The following TECTA variants were observed in gnomAD, a reference collection of about 807,000 sequenced individuals.
TECTA encodes the protein alpha-tectorin.
In TECTA, 128 loss-of-function variants were observed where a neutral mutation model predicts 216.8. The observed-to-expected ratio is 0.59, with a 90% CI of 0.51 to 0.68. The LOEUF is 0.68. Ranked by LOEUF, TECTA falls within the 30% of genes least tolerant of loss-of-function variation. TECTA has a pLI of 0.00. For missense variants in TECTA, 2,551 were observed against 2,786.2 expected (o/e 0.92, Z 1.90); for synonymous variants, 1,089 against 1,117.1 (o/e 0.97, Z 0.50).
At position 121,143,279 on chromosome 11, in the gene TECTA, GC is replaced by G. The variant is rs1165751224; in HGVS notation, c.3544-2272del. 2.0e-5 allele frequency among the ~76,000 whole-genome samples: 3 copies of G among 152,218 alleles called. No homozygotes were observed. The East Asian group carries it at 5.8e-4, about 29-fold the overall frequency. ...CCACCACTCCCAAGCCACACTCTATGCCCCAGCAGCACTAAATTGCTGTAAT... is the reference window on the plus strand; with the variant it reads ...CCACCACTCCCAAGCCACACTCTATGCCCAGCAGCACTAAATTGCTGTAAT... On this transcript the variant is annotated intron_variant, in intron 11 of 23. Transcript: ENST00000392793.
intron 7 of TECTA, among the ~76,000 whole-genome samples, chr11:121,122,104 G>A (rs891530394): frequency 6.6e-6 from 1 of 152,100 alleles, no homozygotes; most frequent in African/African-American, 2.4e-5. Context: ...TATTTCTCAA[G>A]CTTATTTTCT....
intron 12 of TECTA, among the ~76,000 whole-genome samples, chr11:121,150,758 G>C (rs1946882949): frequency 6.8e-6 from 1 of 147,838 alleles, no homozygotes; most frequent in Non-Finnish European, 1.5e-5. Context: ...CAATTCTCCT[G>C]CCTCAGCCTC....
At chr11:121,130,954 C>T (rs1227755821) in intron 10 of TECTA, among the ~76,000 whole-genome samples, 2 of 148,066 alleles carry the variant, frequency 1.4e-5, no homozygotes. Context: ...GTGGCTCACG[C>T]CTGGAATCCC....
In TECTA at chr11:121,190,929, C is replaced by A. The variant is rs2134218844; in HGVS notation, c.*123C>A. On this transcript the variant is annotated 3_prime_UTR_variant, in exon 24 of 24. Coordinates refer to ENST00000392793, the MANE Select transcript of TECTA (RefSeq NM_005422.4). ...TGTCCAGCATCTCAAAATGATGCCACCTGCCTCCAATGGTCCAAGGTCCAG... is the reference window on the plus strand; with the variant it reads ...TGTCCAGCATCTCAAAATGATGCCAACTGCCTCCAATGGTCCAAGGTCCAG... The A allele has an allele frequency of 1.3e-6, 1 of 758,892 alleles. No individual in the cohort carries two copies. The highest frequency in any genetic ancestry group is 1.7e-5 in the African/African-American group (1 of 57,806). The allele number at this position is 758,892 out of a possible 1,614,324, so 47.0% of individuals were successfully genotyped here.
chr11:121,142,029 C>T (rs1946789524), intron 11 of TECTA, among the ~76,000 whole-genome samples: 1 of 152,094 alleles, frequency 6.6e-6, no homozygotes, highest in South Asian at 2.1e-4. Flanking sequence ...GAGGATTACA[C>T]TTGCCAGGCC....
rs1443027892 is a variant in TECTA, at chr11:121,118,732, T to C, written c.1203+14T>C. Reference sequence around the variant, plus strand: ...GGAAGAGTCAAGGTGAGCCCCTTTCTATCCTTCACGGGGAAATGGAGAAGC... The same window carrying C: ...GGAAGAGTCAAGGTGAGCCCCTTTCCATCCTTCACGGGGAAATGGAGAAGC... On this transcript the variant is annotated intron_variant, in intron 7 of 23. Coordinates refer to ENST00000392793, the MANE Select transcript of TECTA (RefSeq NM_005422.4). 1 of 1,613,042 alleles carries C rather than the reference T, an allele frequency of 6.2e-7. No homozygotes were observed.
intron 11 of TECTA, among the ~76,000 whole-genome samples, chr11:121,144,864 C>T (rs967643786): frequency 1.3e-5 from 2 of 152,010 alleles, no homozygotes; most frequent in African/African-American, 4.8e-5. Flanking sequence ...TACACCCAGC[C>T]GTAACATAAG....
At position 121,162,223 on chromosome 11, in the gene TECTA, G is replaced by T. The variant is rs369100736; in HGVS notation, c.5125G>T (p.Asp1709Tyr). Residue 1709 changes from aspartate (D) to tyrosine (Y), a missense_variant, in exon 16 of 24, where the codon GAT becomes TAT. By Grantham distance (160) the Asp-to-Tyr change is radical (BLOSUM62 -3). This residue lies in a region of TECTA where 2,375 missense variants were observed against 2,563.9 expected (regional missense o/e 0.93). Transcript: ENST00000392793. ...GFFQPCYGLL[D>Y]PLPFYESCYL... is the part of the protein sequence containing the mutation. ...CTTCCAGCCCTGCTATGGGCTTCTC[G>T]ATCCCCTCCCATTCTACGAGTCCTG... The T allele has an allele frequency of 1.9e-6, 3 of 1,614,026 alleles. No homozygotes were observed. Among genetic ancestry groups the T allele is most frequent in the African/African-American group, 2.7e-5 (2 of 74,926 alleles).
chr11:121,128,665 C>A (rs1419355810), intron 9 of TECTA, among the ~76,000 whole-genome samples: 2 of 152,212 alleles, frequency 1.3e-5, no homozygotes, highest in East Asian at 3.8e-4. Flanking sequence ...TTATGATCCT[C>A]ATTTTACAGA....
intron 12 of TECTA, among the ~76,000 whole-genome samples, chr11:121,148,663 G>A (rs1253854108): frequency 6.6e-6 from 1 of 152,218 alleles, no homozygotes; most frequent in Admixed American, 6.5e-5. Flanking sequence ...TGCTTGATAG[G>A]AGAAATGGTG....
At chr11:121,129,158 A>G (rs184229931) in intron 9 of TECTA, among the ~76,000 whole-genome samples, 66 of 152,346 alleles carry the variant, frequency 4.3e-4, no homozygotes, top group African/African-American at 1.2e-3. Flanking sequence ...GCAGAGATTT[A>G]TTTATTAATA....
chr11:121,147,878 C>T (rs1946854465), intron 12 of TECTA, among the ~76,000 whole-genome samples: 1 of 152,122 alleles, frequency 6.6e-6, no homozygotes, highest in South Asian at 2.1e-4. Flanking sequence ...ACACAGGGGG[C>T]TAATGCCAGG....
chr11:121,185,078 C>G (rs898632505), intron 20 of TECTA, among the ~76,000 whole-genome samples: 8 of 152,160 alleles, frequency 5.3e-5, no homozygotes, highest in African/African-American at 1.7e-4. Flanking sequence ...AGACTTGACC[C>G]AGAGAGGGAG....
chr11:121,112,037 A>T, intron 4 of TECTA, among the ~76,000 whole-genome samples: 1 of 152,218 alleles, frequency 6.6e-6, no homozygotes, highest in East Asian at 1.9e-4. Context: ...CCTCTGCATC[A>T]GACAGAGTGT....
intron 20 of TECTA, among the ~76,000 whole-genome samples, chr11:121,174,410 AAT>A (rs1267109901): frequency 6.6e-6 from 1 of 152,006 alleles, no homozygotes; most frequent in Non-Finnish European, 1.5e-5. Flanking sequence ...AGGGTTGTTG[AAT>A]TTTGTCAAAG....
chr11:121,131,300 T>G (rs536310973), intron 10 of TECTA, among the ~76,000 whole-genome samples: 1 of 152,304 alleles, frequency 6.6e-6, no homozygotes, highest in Non-Finnish European at 1.5e-5. Flanking sequence ...TTTTTTAATT[T>G]GAAATAATTT....
At position 121,127,848 on chromosome 11, in the gene TECTA, C is replaced by T. The variant is rs1248649998; in HGVS notation, c.1871C>T (p.Ala624Val). The T allele has an allele frequency of 3.1e-6, 5 of 1,613,990 alleles. No individual in the cohort carries two copies. In the Admixed American group the frequency reaches 6.7e-5, roughly 22 times the overall value. The stretch of plus-strand genomic sequence containing the variant: ...GACCTGACGGCCTCGCGGAACTGCG[C>T]CACGCCGTGCACAGAGGGCTGCGAG... The part of the protein sequence containing the change: ...CSDLTASRNC[A>V]TPCTEGCECN... The change falls in exon 9 of 24, where the codon GCC becomes GTC. Residue 624 changes from alanine to valine, a missense_variant. By Grantham distance (64) the Ala-to-Val change is moderately conservative (BLOSUM62 0). Around this residue, in one of 3 missense-constraint regions of TECTA, gnomAD observed 2,375 missense variants for 2,563.9 expected, o/e 0.93. Coordinates refer to ENST00000392793, the MANE Select transcript of TECTA (RefSeq NM_005422.4). The surrounding 1 kb of genome is among the most constrained non-coding windows in gnomAD (Gnocchi z 5.0).
At chr11:121,181,774 G>A (rs2134209736) in intron 20 of TECTA, among the ~76,000 whole-genome samples, 1 of 152,308 alleles carries the variant, frequency 6.6e-6, no homozygotes, top group South Asian at 2.1e-4. Flanking sequence ...AGTCACTGGA[G>A]AATTATTGTG....
At position 121,122,212 on chromosome 11, in the gene TECTA, G is replaced by A. The variant is rs149814106; in HGVS notation, c.1204-3090G>A. Among the ~76,000 whole-genome samples the A allele has an allele frequency of 2.6e-4, 40 of 152,256 alleles. No individual in the cohort carries two copies. In the East Asian group the frequency reaches 7.5e-3, roughly 29 times the overall value. On this transcript the variant is annotated intron_variant, in intron 7 of 23. Coordinates refer to ENST00000392793, the MANE Select transcript of TECTA (RefSeq NM_005422.4). ...CTAAGGTGATGGTATAAGGAGGTGG[G>A]ACCTTGAGGAGGTGATTATGTCATG... is the stretch of plus-strand genomic sequence containing the variant.
Sources: allele counts gnomAD v4.1 joint callset (sites outside exome capture counted in the v4.1 genomes callset), GRCh38; gene constraint gnomAD v4.1.1; regional missense constraint gnomAD v4.1.1; non-coding constraint Gnocchi (gnomAD v3.1); transcripts MANE v1.5; gene names NCBI Gene and HGNC (gene_info 2026-07-23, HGNC 2026-07-21).